Variants in SRGAP2 observed in about 807,000 individuals in gnomAD.
SRGAP2 encodes SLIT-ROBO Rho GTPase activating protein 2, also known as SLIT-ROBO Rho GTPase-activating protein 2.
A neutral mutation model predicts 57.2 loss-of-function variants in SRGAP2; 15 were observed. The ratio of observed to expected loss-of-function variants is 0.26; its 90% CI spans 0.18 to 0.40. SRGAP2 has a LOEUF of 0.40. Ranked by LOEUF, SRGAP2 falls within the 10% of genes least tolerant of loss-of-function variation. SRGAP2 has a pLI of 1.00. For missense variants in SRGAP2, 520 were observed against 669.6 expected (o/e 0.78, Z 2.47); for synonymous variants, 249 against 248.0 (o/e 1.00, Z -0.04).
At chr1:206,234,774 A>G (rs1242257292) in intron 2 of SRGAP2, among the ~76,000 whole-genome samples, 2 of 151,932 alleles carry the variant, frequency 1.3e-5, no homozygotes, top group Non-Finnish European at 2.9e-5. Flanking sequence ...ACTTTTGCAG[A>G]GGTGACAGTC....
At chr1:206,428,846 G>A (rs1553367272) in intron 13 of SRGAP2, among the ~76,000 whole-genome samples, 1 of 152,044 alleles carries the variant, frequency 6.6e-6, no homozygotes, top group Non-Finnish European at 1.5e-5. Flanking sequence ...TAGAGACAGA[G>A]TCTGTTGCCC....
In SRGAP2 at chr1:206,458,932, T is replaced by A. The variant is rs1553379588; in HGVS notation, c.2817T>A (p.Pro939=). The A allele has an allele frequency of 3.9e-6, 3 of 772,424 alleles. No individual in the cohort carries two copies. The Admixed American group carries it at 5.2e-5, about 13-fold the overall frequency. 47.8% of individuals were successfully genotyped at this position (772,424 alleles called of 1,614,324 possible). A position where few individuals can be genotyped will look rare whatever the true frequency, so the allele number is the denominator to read the frequency against. Residue 939 remains proline (P), a synonymous_variant, in exon 22 of 23, where the codon CCT becomes CCA. Transcript: ENST00000573034. ...TCAATAACCATCGGCCCATGGACCC[T>A]GAGGTCATTGCTCAGGTAACTGTGG... ...KSFNNHRPMD[P]EVIAQDIEAT...
At chr1:206,225,305 A>C (rs879998156) in intron 2 of SRGAP2, among the ~76,000 whole-genome samples, 5,783 of 146,660 alleles carry the variant, frequency 0.039, 150 homozygotes, top group African/African-American at 0.047. Context: ...TATCTTGGAT[A>C]TTATGTTTGA....
At chr1:206,369,917 T>C (rs1654369413) in intron 4 of SRGAP2, among the ~76,000 whole-genome samples, 1 of 151,036 alleles carries the variant, frequency 6.6e-6, no homozygotes, top group Non-Finnish European at 1.5e-5. Context: ...CCCAAGAGAA[T>C]TGAAAACATA....
chr1:206,450,947 TA>T lies in SRGAP2; in HGVS notation c.2179+498del, dbSNP rs371400613. 4.9e-3 allele frequency among the ~76,000 whole-genome samples: 706 copies of T among 143,574 alleles called. 2 individuals are homozygous for T. The highest frequency in any genetic ancestry group is 0.021 in the Middle Eastern group (6 of 284). The allele number at this position is 143,574 out of a possible 152,430, so 94.2% of individuals were successfully genotyped here. On this transcript the variant is annotated intron_variant, in intron 19 of 22. Coordinates refer to ENST00000573034, the MANE Select transcript of SRGAP2 (RefSeq NM_015326.5). ...GGCAACACAGCCAGACCCTGTCTCT[TA>T]AAAAAAAAAAAAAAATAGCCTGGCA...
intron 1 of SRGAP2, chr1:206,204,912 C>CCCG (rs1553300703): frequency 7.3e-6 from 1 of 136,504 alleles, no homozygotes; most frequent in African/African-American, 3.3e-5. Context: ...GATTTGCCCC[C>CCCG]CCCCCCATCA....
intron 2 of SRGAP2, among the ~76,000 whole-genome samples, chr1:206,299,840 T>C (rs1459769163): frequency 6.6e-6 from 1 of 151,992 alleles, no homozygotes; most frequent in East Asian, 1.9e-4. Context: ...TTCTTCTTTC[T>C]TTTTCTCCTC....
intron 3 of SRGAP2, among the ~76,000 whole-genome samples, chr1:206,322,529 G>T (rs1364163912): frequency 2.4e-4 from 35 of 145,676 alleles, no homozygotes; most frequent in African/African-American, 9.0e-4. Flanking sequence ...GCAGTGAGCC[G>T]AGATCGTGCC....
At chr1:206,360,016 C>T (rs1676782053) in intron 4 of SRGAP2, among the ~76,000 whole-genome samples, 1 of 151,410 alleles carries the variant, frequency 6.6e-6, no homozygotes, top group East Asian at 1.9e-4. Flanking sequence ...CCGTTTTAGC[C>T]AGGATGGTCT....
chr1:206,313,959 G>A (rs1274769378), intron 3 of SRGAP2, among the ~76,000 whole-genome samples: 3 of 151,832 alleles, frequency 2.0e-5, no homozygotes, highest in Non-Finnish European at 4.4e-5. Flanking sequence ...AGAATCTACA[G>A]GAATTGCTGA....
chr1:206,346,594 T>C (rs1457968101), intron 4 of SRGAP2, among the ~76,000 whole-genome samples: 1 of 152,098 alleles, frequency 6.6e-6, no homozygotes, highest in Non-Finnish European at 1.5e-5. Flanking sequence ...AAAATAGATA[T>C]GTTTTACCAG....
At position 206,463,148 on chromosome 1, in the gene SRGAP2, ATT is replaced by A. The variant is rs3841378; in HGVS notation, c.*1740_*1741del. ...AGTTAGGTCTATGGAAAGTGGTAGG[ATT>A]TTTTTTTTTTTAATCCTGTGCAAAG... On this transcript the variant is annotated 3_prime_UTR_variant, in exon 23 of 23. Transcript: ENST00000573034. The A allele has an allele frequency of 5.8e-4, 87 of 149,944 alleles. No individual in the cohort carries two copies. Among genetic ancestry groups the A allele is most frequent in the Non-Finnish European group, 5.3e-4 (36 of 67,338 alleles). The allele number at this position is 149,944 out of a possible 1,614,324, so 9.3% of individuals were successfully genotyped here. A position where few individuals can be genotyped will look rare whatever the true frequency, so the allele number is the denominator to read the frequency against.
chr1:206,249,660 G>T (rs1176366727), intron 2 of SRGAP2, among the ~76,000 whole-genome samples: 3 of 150,292 alleles, frequency 2.0e-5, no homozygotes, highest in African/African-American at 7.4e-5. Flanking sequence ...GGTTGATGGG[G>T]GCAGCAAACC....
At chr1:206,424,361 A>G (rs1660609820) in intron 13 of SRGAP2, among the ~76,000 whole-genome samples, 1 of 152,228 alleles carries the variant, frequency 6.6e-6, no homozygotes, top group Admixed American at 6.5e-5. Flanking sequence ...AATAGTACAT[A>G]AAAATGTAGA....
At chr1:206,342,402 T>C (rs1675269346) in intron 3 of SRGAP2, among the ~76,000 whole-genome samples, 1 of 151,602 alleles carries the variant, frequency 6.6e-6, no homozygotes, top group South Asian at 2.1e-4. Flanking sequence ...ACTGTTGTTC[T>C]AGTCCCTGGC....
intron 4 of SRGAP2, among the ~76,000 whole-genome samples, chr1:206,353,654 C>T (rs1377804666): frequency 1.3e-5 from 2 of 151,362 alleles, no homozygotes; most frequent in Non-Finnish European, 2.9e-5. Context: ...GAGATTGTGC[C>T]ACTGCACTCC....
chr1:206,303,989 A>G (rs1404041631), intron 3 of SRGAP2, among the ~76,000 whole-genome samples: 1 of 152,110 alleles, frequency 6.6e-6, no homozygotes, highest in African/African-American at 2.4e-5. Context: ...TGCAGGGTCT[A>G]TATTTTTAAC....
rs1671174620 is a variant in SRGAP2, at chr1:206,289,250, T to C, written c.68-14031T>C. Among the ~76,000 whole-genome samples, 9 of 143,434 alleles carry C rather than the reference T, an allele frequency of 6.3e-5. No individual in the cohort carries two copies. The South Asian group carries it at 2.0e-3, about 31-fold the overall frequency. The allele number at this position is 143,434 out of a possible 152,430, so 94.1% of individuals were successfully genotyped here. A position where few individuals can be genotyped will look rare whatever the true frequency, so the allele number is the denominator to read the frequency against. Reference sequence around the variant, plus strand: ...CAGATATAATTTATCTTTGAATATTTCAATATTTAAGAGATAAGGAGGTTT... The same window carrying C: ...CAGATATAATTTATCTTTGAATATTCCAATATTTAAGAGATAAGGAGGTTT... On this transcript the variant is annotated intron_variant, in intron 2 of 22. Transcript: ENST00000573034.
chr1:206,335,190 T>TA (rs1674682812), intron 3 of SRGAP2, among the ~76,000 whole-genome samples: 1 of 150,380 alleles, frequency 6.6e-6, no homozygotes, highest in African/African-American at 2.5e-5. Context: ...GGAGCATATT[T>TA]AATACCTAAG....
Sources: gnomAD v4.1 joint callset for allele counts (sites outside exome capture counted in the v4.1 genomes callset) on GRCh38, gnomAD v4.1.1 for gene constraint, MANE v1.5 for transcripts, NCBI Gene and HGNC (gene_info 2026-07-23, HGNC 2026-07-21) for gene names.